The following LGSN variants were observed in gnomAD, a reference collection of about 807,000 sequenced individuals.
LGSN encodes the protein lengsin, lens protein with glutamine synthetase domain.
In LGSN, 21 loss-of-function variants were observed where a neutral mutation model predicts 19.5. That is an observed-to-expected ratio of 1.07 (90% CI 0.76 to 1.55). The LOEUF is 1.55. Among genes scored for constraint, LGSN ranks in the 40% most tolerant of loss-of-function variants. The pLI, the probability that LGSN is intolerant of heterozygous loss-of-function variation, is 0.00. For synonymous variants in LGSN, 257 were observed against 215.6 expected, an observed-to-expected ratio of 1.19 and a Z score of -1.68; for missense variants, 673 against 608.5, an observed-to-expected ratio of 1.11 and a Z score of -1.12.
At chr6:63,461,514 T>C in the LGSN span, among the ~76,000 whole-genome samples, 1 of 152,370 alleles carries the variant, frequency 6.6e-6, no homozygotes, top group African/African-American at 2.4e-5. Context: ...GTGAACTTTT[T>C]CTTCCCACAT....
chr6:63,480,822 GA>G, the LGSN span, among the ~76,000 whole-genome samples: 1,371 of 127,512 alleles, frequency 0.011, 31 homozygotes, highest in African/African-American at 0.04. Flanking sequence ...GTCATTATAT[GA>G]AAAAAAAAAA....
the LGSN span, among the ~76,000 whole-genome samples, chr6:63,486,440 G>A: frequency 1.3e-5 from 2 of 152,126 alleles, no homozygotes; most frequent in Non-Finnish European, 2.9e-5. Context: ...GGGAGACAAT[G>A]AGCCCAAATG....
At chr6:63,564,404 G>A in the LGSN span, among the ~76,000 whole-genome samples, 1 of 152,062 alleles carries the variant, frequency 6.6e-6, no homozygotes, top group Admixed American at 6.6e-5. Flanking sequence ...AACATCCCTA[G>A]TTAAAAAGCA....
At chr6:63,377,241 T>G in the LGSN span, among the ~76,000 whole-genome samples, 1 of 152,172 alleles carries the variant, frequency 6.6e-6, no homozygotes, top group African/African-American at 2.4e-5. Flanking sequence ...CGCTAACGTA[T>G]CCTTTATGAA....
the LGSN span, among the ~76,000 whole-genome samples, chr6:63,455,264 C>T: frequency 2.0e-5 from 3 of 152,220 alleles, no homozygotes; most frequent in East Asian, 1.9e-4. Context: ...TCTCCCTATC[C>T]TCCCACACCA....
At chr6:63,408,076 A>G in the LGSN span, among the ~76,000 whole-genome samples, 31 of 152,362 alleles carry the variant, frequency 2.0e-4, no homozygotes, top group East Asian at 4.8e-3. Context: ...GGTAGGAAGA[A>G]TCAATATCAT....
At chr6:63,498,660 C>T in the LGSN span, among the ~76,000 whole-genome samples, 13 of 152,100 alleles carry the variant, frequency 8.5e-5, no homozygotes, top group Admixed American at 8.5e-4. Flanking sequence ...TGAACAAGGA[C>T]AGGACAGTGA....
the LGSN span, among the ~76,000 whole-genome samples, chr6:63,420,062 G>T: frequency 6.6e-6 from 1 of 151,594 alleles, no homozygotes; most frequent in Non-Finnish European, 1.5e-5. Flanking sequence ...AATTAGCTGG[G>T]CATGATGGCA....
At chr6:63,363,977 G>C in the LGSN span, among the ~76,000 whole-genome samples, 1 of 145,510 alleles carries the variant, frequency 6.9e-6, no homozygotes, top group African/African-American at 2.8e-5. Flanking sequence ...GCAAAAACAT[G>C]CCAATTGTAA....
chr6:63,547,347 G>A, the LGSN span, among the ~76,000 whole-genome samples: 1 of 151,332 alleles, frequency 6.6e-6, no homozygotes. Flanking sequence ...GTGCCACCAT[G>A]CCTAGCTAAT....
At chr6:63,516,364 C>A in the LGSN span, among the ~76,000 whole-genome samples, 1 of 152,180 alleles carries the variant, frequency 6.6e-6, no homozygotes, top group African/African-American at 2.4e-5. Flanking sequence ...ATTGACCTGG[C>A]AACTTAGTCC....
chr6:63,477,230 C>T, the LGSN span, among the ~76,000 whole-genome samples: 1 of 152,180 alleles, frequency 6.6e-6, no homozygotes. Flanking sequence ...TCAGAAAAGA[C>T]AGACAATAGA....
the LGSN span, among the ~76,000 whole-genome samples, chr6:63,335,223 C>A: frequency 2.0e-5 from 3 of 151,530 alleles, no homozygotes; most frequent in Non-Finnish European, 2.9e-5. Context: ...TGACTGTATG[C>A]CAAAGAATGA....
intron 1 of LGSN, among the ~76,000 whole-genome samples, chr6:63,306,885 T>C (rs760897025): frequency 1.3e-5 from 2 of 152,234 alleles, no homozygotes; most frequent in Non-Finnish European, 2.9e-5. Context: ...TGAAATTTCA[T>C]GATTGTTAAA....
intron 1 of LGSN, among the ~76,000 whole-genome samples, chr6:63,312,303 TG>T (rs917966093): frequency 2.0e-5 from 3 of 152,184 alleles, no homozygotes; most frequent in Admixed American, 2.0e-4. Flanking sequence ...CCACACCCTT[TG>T]GATATATATC....
At chr6:63,459,455 A>G in the LGSN span, among the ~76,000 whole-genome samples, 2 of 152,082 alleles carry the variant, frequency 1.3e-5, no homozygotes, top group African/African-American at 4.8e-5. Context: ...GGATCTCACT[A>G]TGTTGACTAA....
At chr6:63,467,903 C>T in the LGSN span, among the ~76,000 whole-genome samples, 2 of 151,724 alleles carry the variant, frequency 1.3e-5, no homozygotes, top group Admixed American at 6.6e-5. Context: ...TGTTGGCCAA[C>T]CTGGTTTCAA....
the LGSN span, among the ~76,000 whole-genome samples, chr6:63,526,500 C>A: frequency 6.6e-6 from 1 of 150,502 alleles, no homozygotes. Flanking sequence ...GCAAGCAGAA[C>A]AAAAATATTT....
chr6:63,518,795 G>T, the LGSN span, among the ~76,000 whole-genome samples: 1 of 152,096 alleles, frequency 6.6e-6, no homozygotes. Context: ...TTGCTGAAAA[G>T]ATAGAAAATA....
Sources: allele counts gnomAD v4.1 joint callset (sites outside exome capture counted in the v4.1 genomes callset), GRCh38; gene constraint gnomAD v4.1.1; transcripts MANE v1.5; gene names NCBI Gene and HGNC (gene_info 2026-07-23, HGNC 2026-07-21).